The following RGL1 variants were observed in gnomAD, a reference collection of about 807,000 sequenced individuals.
RGL1 encodes the protein ral guanine nucleotide dissociation stimulator-like 1.
A neutral mutation model predicts 95.2 loss-of-function variants in RGL1; 24 were observed. The observed-to-expected ratio is 0.25, with a 90% CI of 0.18 to 0.35. The LOEUF is 0.35. RGL1 is among the 10% of genes least tolerant of loss of function. The probability of loss-of-function intolerance (pLI) is 1.00; values close to 1 mark genes in which losing one functional copy is unlikely to be tolerated. For missense variants in RGL1, 715 were observed against 936.3 expected (o/e 0.76, Z 3.08); for synonymous variants, 329 against 344.9 (o/e 0.95, Z 0.51).
chr1:183,767,007 G>T (rs577289939), intron 2 of RGL1, among the ~76,000 whole-genome samples: 1 of 152,016 alleles, frequency 6.6e-6, no homozygotes, highest in African/African-American at 2.4e-5. Context: ...CTTGAGACCA[G>T]GAGTTTGAGA....
Position 183,922,290 on chromosome 1 carries a change from C to T in RGL1, c.2073C>T (p.Asp691=), listed in dbSNP as rs749956321. 2.5e-6 allele frequency: 4 copies of T among 1,614,114 alleles called. No homozygotes were observed. The highest frequency in any genetic ancestry group is 3.4e-6 in the Non-Finnish European group (4 of 1,180,022). ...RAMLKHNLDS[D]PAEEYELVQV... is the part of the protein sequence containing the mutation. ...TGCTGAAGCACAATCTGGACTCAGA[C>T]CCCGCCGAGGAGTACGAGCTGGTGC... Residue 691 remains aspartate, a synonymous_variant, in exon 17 of 18, where the codon GAC becomes GAT. Coordinates refer to ENST00000360851, the MANE Select transcript of RGL1 (RefSeq NM_001297671.3).
chr1:183,805,069 G>A (rs1316963328), upstream of RGL1: 2 of 403,314 alleles, frequency 5.0e-6, no homozygotes, highest in South Asian at 9.9e-5. Flanking sequence ...ACGGAGTGGC[G>A]TGGGGAGGAG....
intron 1 of RGL1, among the ~76,000 whole-genome samples, chr1:183,637,653 A>G (rs1485558811): frequency 2.0e-5 from 3 of 152,204 alleles, no homozygotes; most frequent in Non-Finnish European, 4.4e-5. Flanking sequence ...GGAAGAAGCA[A>G]TGTGGTGTTT....
At chr1:183,670,971 T>G (rs1480712258) in intron 1 of RGL1, among the ~76,000 whole-genome samples, 1 of 152,198 alleles carries the variant, frequency 6.6e-6, no homozygotes, top group Non-Finnish European at 1.5e-5. Context: ...GAGGTTTAAT[T>G]GACTCTCAGT....
chr1:183,861,260 C>T (rs114566560), intron 3 of RGL1, among the ~76,000 whole-genome samples: 3,204 of 152,208 alleles, frequency 0.021, 51 homozygotes, highest in Non-Finnish European at 0.031. Context: ...CAGGATCACC[C>T]GCCTCCTGAT....
rs1197442288 is a variant in RGL1 at position 183,808,081 on chromosome 1, GT to G, written c.138+1600del. ...TGAGACTGACTTTGCTTGGGTGACT[GT>G]TTTAGTTTTCAGCCATATACAACAT... On this transcript the variant is annotated intron_variant, in intron 2 of 17. Coordinates refer to ENST00000360851, the MANE Select transcript of RGL1 (RefSeq NM_001297671.3). Among the ~76,000 whole-genome samples, 3 of 152,094 alleles carry G rather than the reference GT, an allele frequency of 2.0e-5. No individual in the cohort carries two copies. The East Asian group carries it at 5.8e-4, about 29-fold the overall frequency.
chr1:183,789,906 A>G (rs1023301031), intron 2 of RGL1, among the ~76,000 whole-genome samples: 1 of 151,486 alleles, frequency 6.6e-6, no homozygotes, highest in South Asian at 2.1e-4. Flanking sequence ...CACCAACCTA[A>G]TAGTCAGAAG....
intron 2 of RGL1, among the ~76,000 whole-genome samples, chr1:183,793,503 G>A (rs1175443803): frequency 6.6e-6 from 1 of 151,944 alleles, no homozygotes; most frequent in East Asian, 1.9e-4. Context: ...ATATGAGAAA[G>A]TATTTGCAAA....
At chr1:183,881,369 A>G (rs192842173) in intron 5 of RGL1, among the ~76,000 whole-genome samples, 21 of 152,294 alleles carry the variant, frequency 1.4e-4, no homozygotes, top group Admixed American at 9.2e-4. Context: ...TAGCATCTAT[A>G]AGGGCCTCAT....
At chr1:183,818,158 AACCTGAAATC>A (rs1662211089) in intron 2 of RGL1, among the ~76,000 whole-genome samples, 1 of 152,150 alleles carries the variant, frequency 6.6e-6, no homozygotes, top group South Asian at 2.1e-4. Flanking sequence ...GCCCAACCCC[AACCTGAAATC>A]ACTATTATGC....
In RGL1 at chr1:183,875,871, C is replaced by CAAA. The variant is rs375478958; in HGVS notation, c.426-4726_426-4724dup. ...TCCAGCCTGGGCGACAGCTCTGTCTCAAAAAAAAAAAAAAAAAAAAATCAA... is the reference window on the plus strand; with the variant it reads ...TCCAGCCTGGGCGACAGCTCTGTCTCAAAAAAAAAAAAAAAAAAAAAAAATCAA... On this transcript the variant is annotated intron_variant, in intron 4 of 17. Transcript: ENST00000360851. 2.5e-3 allele frequency among the ~76,000 whole-genome samples: 251 copies of CAAA among 99,334 alleles called. 1 individual carries two copies. The highest frequency in any genetic ancestry group is 0.021 in the East Asian group (74 of 3,518). 65.2% of individuals were successfully genotyped at this position (99,334 alleles called of 152,430 possible). A position where few individuals can be genotyped will look rare whatever the true frequency, so the allele number is the denominator to read the frequency against.
In RGL1 at chr1:183,730,095, A is replaced by G. The variant is rs570828954; in HGVS notation, c.-32-12031A>G. Among the ~76,000 whole-genome samples, 20 of 152,324 alleles carry G rather than the reference A, an allele frequency of 1.3e-4. No homozygotes were observed. In the South Asian group the frequency reaches 4.1e-3, roughly 32 times the overall value. ...AAAAGTCATAGAATATACCCTTAAC[A>G]TGAGATATGTAAACTATCCCTCATT... is the stretch of plus-strand genomic sequence containing the variant. On this transcript the variant is annotated intron_variant, in intron 1 of 18. Coordinates refer to the RGL1 transcript ENST00000304685.
chr1:183,864,561 A>C (rs867587521), intron 3 of RGL1, among the ~76,000 whole-genome samples: 2 of 152,366 alleles, frequency 1.3e-5, no homozygotes, highest in South Asian at 4.1e-4. Context: ...TTTATTTATT[A>C]GGAATCTTGT....
At chr1:183,926,003 C>T (rs553385583) in intron 17 of RGL1, 102 bp from the exon 18 acceptor site, 23 of 962,724 alleles carry the variant, frequency 2.4e-5, no homozygotes, top group East Asian at 1.6e-4. Flanking sequence ...GATGAAGGGC[C>T]GTAGTCCCGT....
chr1:183,805,052 T>C, upstream of RGL1: 1 of 382,938 alleles, frequency 2.6e-6, no homozygotes, highest in Non-Finnish European at 4.6e-6. Flanking sequence ...CAGGAAAGCC[T>C]TACATCACGG....
Position 183,805,184 on chromosome 1 carries a change from C to G in RGL1, c.-114C>G, listed in dbSNP as rs1405416139. Reference sequence around the variant, plus strand: ...GCGGCGCGTGTCTGTGCGCTGCGGTCGCTCGGGACCGGGACCGGGGCGAGG... The same window carrying G: ...GCGGCGCGTGTCTGTGCGCTGCGGTGGCTCGGGACCGGGACCGGGGCGAGG... On this transcript the variant is annotated 5_prime_UTR_variant, in exon 1 of 18. Coordinates refer to ENST00000360851, the MANE Select transcript of RGL1 (RefSeq NM_001297671.3). 1.2e-4 allele frequency: 161 copies of G among 1,398,614 alleles called. No individual in the cohort carries two copies. Among genetic ancestry groups the G allele is most frequent in the Non-Finnish European group, 1.4e-4 (145 of 1,051,686 alleles). The allele number at this position is 1,398,614 out of a possible 1,614,324, so 86.6% of individuals were successfully genotyped here.
intron 2 of RGL1, among the ~76,000 whole-genome samples, chr1:183,793,242 G>A (rs1660521989): frequency 6.6e-6 from 1 of 152,140 alleles, no homozygotes; most frequent in Admixed American, 6.5e-5. Context: ...ATATGCAGAA[G>A]AATGAAACCA....
intron 14 of RGL1, among the ~76,000 whole-genome samples, chr1:183,909,310 T>G (rs1668515828): frequency 6.6e-6 from 1 of 152,204 alleles, no homozygotes; most frequent in East Asian, 1.9e-4. Flanking sequence ...TGGAGAAAAC[T>G]TTGGGTGCTT....
intron 1 of RGL1, among the ~76,000 whole-genome samples, chr1:183,641,556 C>A (rs1036784647): frequency 3.0e-5 from 4 of 132,476 alleles, no homozygotes; most frequent in Non-Finnish European, 4.7e-5. Flanking sequence ...AGGCATGAGC[C>A]CCCCCCACCA....
Sources: allele counts gnomAD v4.1 joint callset (sites outside exome capture counted in the v4.1 genomes callset), GRCh38; gene constraint gnomAD v4.1.1; transcripts MANE v1.5; gene names NCBI Gene and HGNC (gene_info 2026-07-23, HGNC 2026-07-21).